Variants in CBLL1 observed in about 807,000 individuals in gnomAD.
CBLL1 encodes E3 ubiquitin-protein ligase Hakai.
CBLL1 carries 4 observed loss-of-function variants against 44.9 expected under a neutral mutation model. The ratio of observed to expected loss-of-function variants is 0.09; its 90% CI spans 0.04 to 0.20. The LOEUF (loss-of-function observed/expected upper bound fraction) is 0.20. Among genes scored for constraint, CBLL1 ranks in the 10% least tolerant of loss-of-function variants. The pLI, the probability that CBLL1 is intolerant of heterozygous loss-of-function variation, is 1.00. For missense variants in CBLL1, 569 were observed against 636.7 expected, an observed-to-expected ratio of 0.89 and a Z score of 1.14; for synonymous variants, 235 against 202.2, an observed-to-expected ratio of 1.16 and a Z score of -1.38.
intron 2 of CBLL1, among the ~76,000 whole-genome samples, chr7:107,751,228 C>A (rs1391363420): frequency 2.0e-5 from 3 of 152,062 alleles, no homozygotes; most frequent in African/African-American, 4.8e-5. Flanking sequence ...TTGCACGGTT[C>A]ACAATAGGGT....
chr7:107,758,362 T>C lies in CBLL1; in HGVS notation c.660T>C (p.Phe220=), dbSNP rs772508892. 14 of 1,614,160 alleles carry C rather than the reference T, an allele frequency of 8.7e-6. No individual in the cohort carries two copies. Among genetic ancestry groups the C allele is most frequent in the Non-Finnish European group, 1.2e-5 (14 of 1,180,018 alleles). ...APPPTEIPER[F]IMPPDKHHMS... ...CACCAACTGAAATCCCTGAGCGTTT[T>C]ATAATGCCACCAGACAAGCACCATA... The change falls in exon 6 of 6, where the codon TTT becomes TTC. Residue 220 remains phenylalanine, a synonymous_variant. Coordinates refer to ENST00000440859, the MANE Select transcript of CBLL1 (RefSeq NM_024814.4). This position sits in a 1 kb window ranked among gnomAD's most constrained non-coding sequence, Gnocchi z 4.2.
chr7:107,745,951 G>A (rs10808154), intron 1 of CBLL1, among the ~76,000 whole-genome samples: 33,221 of 151,890 alleles, frequency 0.22, 4,568 homozygotes, highest in South Asian at 0.44. Flanking sequence ...GGAAAGATCT[G>A]CACTGAAAAT....
chr7:107,761,635 C>G lies in CBLL1; in HGVS notation c.*2457C>G, dbSNP rs1018692302. 1 of 152,022 alleles carries G rather than the reference C, an allele frequency of 6.6e-6. No individual in the cohort carries two copies. The highest frequency in any genetic ancestry group is 1.5e-5 in the Non-Finnish European group (1 of 67,824). The allele number at this position is 152,022 out of a possible 1,614,324, so 9.4% of individuals were successfully genotyped here. ...AGACTACTGAGGTGGCAGTTTAATT[C>G]TTAAAAACAATAAAATGGAAGCATA... On this transcript the variant is annotated 3_prime_UTR_variant, in exon 6 of 6. Transcript: ENST00000440859.
rs750571801 is a variant in CBLL1, at chr7:107,744,228, C to A, written c.13+52C>A. 5 of 1,514,900 alleles carry A rather than the reference C, an allele frequency of 3.3e-6. No homozygotes were observed. In the South Asian group the frequency reaches 5.0e-5, roughly 15 times the overall value. The allele number at this position is 1,514,900 out of a possible 1,614,324, so 93.8% of individuals were successfully genotyped here. On this transcript the variant is annotated intron_variant, in intron 1 of 5. Coordinates refer to ENST00000440859, the MANE Select transcript of CBLL1 (RefSeq NM_024814.4). ...CCGGTTCCAAGCCCCCTTGGCCGGC[C>A]TGGGGCTGGTCGCACAGCAGGCAAA... is the stretch of plus-strand genomic sequence containing the variant.
In CBLL1 at chr7:107,758,963, C is replaced by A; in HGVS notation, c.1261C>A (p.Pro421Thr). 1 of 1,613,864 alleles carries A rather than the reference C, an allele frequency of 6.2e-7. No homozygotes were observed. Among genetic ancestry groups the A allele is most frequent in the South Asian group, 1.1e-5 (1 of 91,054 alleles). Residue 421 changes from proline to threonine, a missense_variant, in exon 6 of 6, where the codon CCT (proline) becomes ACT (threonine). Physicochemically the swap from Pro to Thr is conservative, Grantham distance 38 (BLOSUM62 -1). Around this residue, in one of 5 missense-constraint regions of CBLL1, gnomAD observed 228 missense variants for 253.2 expected, o/e 0.90. Transcript: ENST00000440859. This position sits in a 1 kb window ranked among gnomAD's most constrained non-coding sequence, Gnocchi z 4.2. Reference protein sequence around the residue: ...HGGPPVTAPPPHHYNPNSLPQ... With the variant: ...HGGPPVTAPPTHHYNPNSLPQ... ...TGGTCCACCTGTAACTGCACCCCCT[C>A]CTCACCATTATAATCCTAACTCATT... is the stretch of plus-strand genomic sequence containing the variant.
At chr7:107,748,131 A>G (rs941374176) in intron 1 of CBLL1, among the ~76,000 whole-genome samples, 2 of 152,184 alleles carry the variant, frequency 1.3e-5, no homozygotes, top group African/African-American at 2.4e-5. Context: ...TCTATAGACA[A>G]TAACAAGCAA....
Position 107,761,606 on chromosome 7 carries a change from C to G in CBLL1, c.*2428C>G, listed in dbSNP as rs893043644. ...TGTATGTATGTTTCATTATATTGCT[C>G]TTAAGACTACTGAGGTGGCAGTTTA... On this transcript the variant is annotated 3_prime_UTR_variant, in exon 6 of 6. Transcript: ENST00000440859. 5.9e-5 allele frequency: 9 copies of G among 152,100 alleles called. No individual in the cohort carries two copies. The highest frequency in any genetic ancestry group is 8.8e-5 in the Non-Finnish European group (6 of 67,866). The allele number at this position is 152,100 out of a possible 1,614,324, so 9.4% of individuals were successfully genotyped here.
At chr7:107,744,369 C>G in intron 1 of CBLL1, 193 bp downstream of exon 1, 2 of 628,044 alleles carry the variant, frequency 3.2e-6, no homozygotes, top group Non-Finnish European at 5.1e-6. Context: ...GGTGTGGTAC[C>G]TACCTCCTCC....
Position 107,759,089 on chromosome 7 carries a change from C to T in CBLL1, c.1387C>T (p.Pro463Ser). 1 of 1,614,120 alleles carries T rather than the reference C, an allele frequency of 6.2e-7. No individual in the cohort carries two copies. Among genetic ancestry groups the T allele is most frequent in the Non-Finnish European group, 8.5e-7 (1 of 1,180,016 alleles). Residue 463 changes from proline (P) to serine (S), a missense_variant, in exon 6 of 6, where the codon CCT becomes TCT. Transcript: ENST00000440859. The stretch of plus-strand genomic sequence containing the variant: ...GCCTGCACCAAGAGGGCCACCACCA[C>T]CTCCACGATTGCAGGGTCCGCCTTC... ...IWPAPRGPPP[P>S]PRLQGPPSQT... is the part of the protein sequence containing the mutation.
In CBLL1 at chr7:107,749,001, A is replaced by G. The variant is rs1793139377; in HGVS notation, c.135A>G (p.Gln45=). The G allele has an allele frequency of 6.2e-7, 1 of 1,614,216 alleles. No homozygotes were observed. The highest frequency in any genetic ancestry group is 1.1e-5 in the South Asian group (1 of 91,084). Residue 45 remains glutamine, a synonymous_variant, in exon 2 of 6, where the codon CAA becomes CAG. Coordinates refer to ENST00000440859, the MANE Select transcript of CBLL1 (RefSeq NM_024814.4). ...ANKAKPAPRT[Q]RTINRMPAKA... The stretch of plus-strand genomic sequence containing the variant: ...AAGCGAAACCTGCACCGCGAACTCA[A>G]AGAACTATAAACAGGATGCCTGCAA...
chr7:107,752,532 C>T (rs1483020004), intron 2 of CBLL1: 5 of 1,287,252 alleles, frequency 3.9e-6, no homozygotes, highest in Non-Finnish European at 5.1e-6. Flanking sequence ...TGCTTGGCTA[C>T]TCTGTTTACC....
At chr7:107,746,475 C>G (rs1331334866) in intron 1 of CBLL1, among the ~76,000 whole-genome samples, 2 of 152,060 alleles carry the variant, frequency 1.3e-5, no homozygotes, top group Non-Finnish European at 2.9e-5. Context: ...ATACTGTGCA[C>G]TGATTGTGAA....
rs761938273 is a variant in CBLL1 at position 107,758,383 on chromosome 7, C to G, written c.681C>G (p.His227Gln). ...PERFIMPPDK[H>Q]HMSHIPPKQH... ...GTTTTATAATGCCACCAGACAAGCA[C>G]CATATGAGCCATATTCCGCCAAAGC... Residue 227 changes from histidine to glutamine, a missense_variant, in exon 6 of 6, where the codon CAC (histidine) becomes CAG (glutamine). His to Gln is a conservative substitution (Grantham distance 24, BLOSUM62 0). Transcript: ENST00000440859. This position sits in a 1 kb window ranked among gnomAD's most constrained non-coding sequence, Gnocchi z 4.2. 1.7e-5 allele frequency: 27 copies of G among 1,613,998 alleles called. No homozygotes were observed. Among genetic ancestry groups the G allele is most frequent in the South Asian group, 1.5e-4 (14 of 91,082 alleles).
Position 107,748,935 on chromosome 7 carries a change from C to A in CBLL1, c.69C>A (p.Arg23=). Reference sequence around the variant, plus strand: ...GATCCTTGGGTGGTCTTGATGTTCGCAGACGAATTCCTATAAAGCTCATCT... The same window carrying A: ...GATCCTTGGGTGGTCTTGATGTTCGAAGACGAATTCCTATAAAGCTCATCT... ...SSGSLGGLDV[R]RRIPIKLISK... The change falls in exon 2 of 6, where the codon CGC becomes CGA. Residue 23 remains arginine, a synonymous_variant. Coordinates refer to ENST00000440859, the MANE Select transcript of CBLL1 (RefSeq NM_024814.4). 6.2e-7 allele frequency: 1 copy of A among 1,613,964 alleles called. No homozygotes were observed. The highest frequency in any genetic ancestry group is 2.2e-5 in the East Asian group (1 of 44,860).
At chr7:107,745,810 G>C (rs753171780) in intron 1 of CBLL1, among the ~76,000 whole-genome samples, 3 of 152,168 alleles carry the variant, frequency 2.0e-5, no homozygotes, top group Non-Finnish European at 4.4e-5. Flanking sequence ...ATTGAGCTGA[G>C]GAAAACTTGG....
In CBLL1 at chr7:107,758,288, C is replaced by T; in HGVS notation, c.586C>T (p.Pro196Ser). The T allele has an allele frequency of 6.2e-7, 1 of 1,614,036 alleles. No individual in the cohort carries two copies. Among genetic ancestry groups the T allele is most frequent in the African/African-American group, 1.3e-5 (1 of 74,982 alleles). ...CCATCGCCATATGAGAGCTGGAAAACCTGTTACCCGTGCTTCACTTGAAAA... is the reference window on the plus strand; with the variant it reads ...CCATCGCCATATGAGAGCTGGAAAATCTGTTACCCGTGCTTCACTTGAAAA... The part of the protein sequence containing the change: ...INHRHMRAGK[P>S]VTRASLENVH... Residue 196 changes from proline to serine, a missense_variant, in exon 6 of 6, where the codon CCT (proline) becomes TCT (serine). By Grantham distance (74) the Pro-to-Ser change is moderately conservative. This residue lies in a region of CBLL1 where 16 missense variants were observed against 40.2 expected (regional missense o/e 0.40). Coordinates refer to ENST00000440859, the MANE Select transcript of CBLL1 (RefSeq NM_024814.4). This position sits in a 1 kb window ranked among gnomAD's most constrained non-coding sequence, Gnocchi z 4.2.
At position 107,758,923 on chromosome 7, in the gene CBLL1, C is replaced by A. The variant is rs377697227; in HGVS notation, c.1221C>A (p.Pro407=). 5.6e-4 allele frequency: 910 copies of A among 1,613,818 alleles called. 6 individuals carry two copies. The South Asian group carries it at 9.5e-3, about 17-fold the overall frequency. The change falls in exon 6 of 6, where the codon CCC becomes CCA. Residue 407 remains proline (P), a synonymous_variant. Coordinates refer to ENST00000440859, the MANE Select transcript of CBLL1 (RefSeq NM_024814.4). This position sits in a 1 kb window ranked among gnomAD's most constrained non-coding sequence, Gnocchi z 4.2. ...TGAATCATCCTCCTCCAGGACCTCC[C>A]CCACCTCAACATGGTGGTCCACCTG... ...PYMNHPPPGP[P]PPQHGGPPVT...
chr7:107,744,976 T>C (rs1251784287), intron 1 of CBLL1: 2 of 152,140 alleles, frequency 1.3e-5, no homozygotes, highest in Non-Finnish European at 2.9e-5. Flanking sequence ...AAAAAAGGCT[T>C]TTTCTTGAGT....
chr7:107,755,584 A>G, intron 5 of CBLL1, 93 bp downstream of exon 5: 1 of 636,004 alleles, frequency 1.6e-6, no homozygotes, highest in South Asian at 3.2e-5. Flanking sequence ...GATGTAAATC[A>G]GGCAGGAGAT....
Sources: gnomAD v4.1 joint callset for allele counts (sites outside exome capture counted in the v4.1 genomes callset) on GRCh38, gnomAD v4.1.1 for gene constraint, gnomAD v4.1.1 regional missense constraint, Gnocchi (gnomAD v3.1) non-coding constraint, MANE v1.5 for transcripts, NCBI Gene and HGNC (gene_info 2026-07-23, HGNC 2026-07-21) for gene names.